The following SREBF2 variants were observed in gnomAD, a reference collection of about 807,000 sequenced individuals.
SREBF2 encodes sterol regulatory element-binding protein 2.
In SREBF2, 55 loss-of-function variants were observed where a neutral mutation model predicts 113.1. The observed-to-expected ratio is 0.49, with a 90% CI of 0.39 to 0.61. The LOEUF (loss-of-function observed/expected upper bound fraction) is 0.61. SREBF2 is among the 20% of genes least tolerant of loss of function. SREBF2 has a pLI of 0.00. For synonymous variants in SREBF2, 593 were observed against 605.7 expected, an observed-to-expected ratio of 0.98 and a Z score of 0.31; for missense variants, 1,349 against 1,487.4, an observed-to-expected ratio of 0.91 and a Z score of 1.53.
intron 11 of SREBF2, among the ~76,000 whole-genome samples, chr22:41,891,637 A>G (rs1356298550): frequency 6.6e-6 from 1 of 152,218 alleles, no homozygotes; most frequent in Non-Finnish European, 1.5e-5. Flanking sequence ...AGTAAAGGTC[A>G]GAACCATCAG....
intron 5 of SREBF2, 66 bp downstream of exon 5, chr22:41,874,085 A>G: frequency 5.2e-6 from 8 of 1,544,492 alleles, no homozygotes; most frequent in South Asian, 1.1e-5. Flanking sequence ...TTGCCTCAGG[A>G]GCCTAGAGAA....
chr22:41,905,509 C>A lies in SREBF2; in HGVS notation c.3275C>A (p.Pro1092His). The A allele has an allele frequency of 6.3e-7, 1 of 1,582,764 alleles. No homozygotes were observed. The highest frequency in any genetic ancestry group is 1.2e-5 in the South Asian group (1 of 86,552). Residue 1092 changes from proline (P) to histidine (H), a missense_variant, in exon 19 of 19, where the codon CCC becomes CAC. By Grantham distance (77) the Pro-to-His change is moderately conservative. Coordinates refer to ENST00000361204, the MANE Select transcript of SREBF2 (RefSeq NM_004599.4). ...TAILLACRHLPLSFLSSPGQR... is the reference protein window; with the variant it reads ...TAILLACRHLHLSFLSSPGQR... The stretch of plus-strand genomic sequence containing the variant: ...ATCCTGCTGGCCTGCCGCCACCTGC[C>A]CCTCTCCTTCCTCTCCTCCCCGGGC...
chr22:41,884,236 A>G (rs2148400830), intron 10 of SREBF2, among the ~76,000 whole-genome samples: 1 of 152,316 alleles, frequency 6.6e-6, no homozygotes, highest in Non-Finnish European at 1.5e-5. Flanking sequence ...CGCAGGCTCA[A>G]GCAATTCTTC....
chr22:41,889,052 C>A (rs2077328927), intron 11 of SREBF2, among the ~76,000 whole-genome samples: 1 of 152,154 alleles, frequency 6.6e-6, no homozygotes, highest in Non-Finnish European at 1.5e-5. Flanking sequence ...ACTCAAGATT[C>A]CCAAACATTC....
intron 12 of SREBF2, among the ~76,000 whole-genome samples, chr22:41,894,014 TAACTG>T (rs548341632): frequency 2.7e-4 from 41 of 152,298 alleles, no homozygotes; most frequent in African/African-American, 9.4e-4. Flanking sequence ...TTTTAAATAA[TAACTG>T]TATTGCTCAA....
intron 16 of SREBF2, among the ~76,000 whole-genome samples, chr22:41,901,754 C>T (rs2077467139): frequency 6.6e-6 from 1 of 152,192 alleles, no homozygotes; most frequent in African/African-American, 2.4e-5. Context: ...TTGGGCTTTC[C>T]ATTAGTCTCT....
chr22:41,848,978 C>A (rs1039611358), intron 1 of SREBF2, among the ~76,000 whole-genome samples: 1 of 151,946 alleles, frequency 6.6e-6, no homozygotes, highest in Non-Finnish European at 1.5e-5. Flanking sequence ...AATAAGGGAG[C>A]CACAGTGTTA....
intron 1 of SREBF2, among the ~76,000 whole-genome samples, chr22:41,841,996 C>T (rs901688538): frequency 1.3e-5 from 2 of 152,194 alleles, no homozygotes; most frequent in Non-Finnish European, 2.9e-5. Context: ...TGTTCATGGG[C>T]GTGTATCTTC....
chr22:41,900,005 G>A (rs996080667), intron 15 of SREBF2: 1 of 1,266,456 alleles, frequency 7.9e-7, no homozygotes, highest in African/African-American at 1.5e-5. Context: ...ACACCTTATT[G>A]TGGCCACTTT....
chr22:41,857,387 A>G (rs1162914198), intron 1 of SREBF2, among the ~76,000 whole-genome samples: 1 of 152,222 alleles, frequency 6.6e-6, no homozygotes, highest in African/African-American at 2.4e-5. Context: ...GAGTCCCTCC[A>G]GGGCTGCCAT....
chr22:41,905,346 T>C, intron 18 of SREBF2, 94 bp from the exon 19 acceptor site: 1 of 1,207,666 alleles, frequency 8.3e-7, no homozygotes, highest in Non-Finnish European at 1.2e-6. Flanking sequence ...CCAGGATGGA[T>C]GTGAGCGTTC....
intron 1 of SREBF2, among the ~76,000 whole-genome samples, chr22:41,839,618 G>T (rs1019343493): frequency 6.6e-6 from 1 of 152,186 alleles, no homozygotes; most frequent in African/African-American, 2.4e-5. Context: ...TTTTTTCAAT[G>T]AGCTGATCTA....
At chr22:41,848,396 T>G (rs2148349475) in intron 1 of SREBF2, among the ~76,000 whole-genome samples, 1 of 152,276 alleles carries the variant, frequency 6.6e-6, no homozygotes, top group East Asian at 1.9e-4. Flanking sequence ...CTTCAAAGTC[T>G]GTTTTTAATA....
intron 15 of SREBF2, chr22:41,899,350 C>T (rs978188745): frequency 1.1e-5 from 11 of 1,016,706 alleles, no homozygotes; most frequent in Non-Finnish European, 1.2e-5. Context: ...TTCATGTCTG[C>T]GTCTTGGGGG....
intron 3 of SREBF2, 136 bp downstream of exon 3, chr22:41,868,928 T>C: frequency 7.1e-6 from 8 of 1,122,890 alleles, no homozygotes; most frequent in Non-Finnish European, 1.0e-5. Context: ...AGGATGCACC[T>C]GTGAGCAGCG....
intron 1 of SREBF2, among the ~76,000 whole-genome samples, chr22:41,851,053 T>C (rs1008890136): frequency 3.9e-5 from 6 of 152,156 alleles, no homozygotes; most frequent in Non-Finnish European, 8.8e-5. Flanking sequence ...TTTCCTCACT[T>C]TTAAAACATA....
rs772169974 is a variant in SREBF2, at chr22:41,884,899, A to T, written c.2096A>T (p.Asn699Ile). 5 of 1,614,178 alleles carry T rather than the reference A, an allele frequency of 3.1e-6. No individual in the cohort carries two copies. Among genetic ancestry groups the T allele is most frequent in the East Asian group, 2.2e-5 (1 of 44,880 alleles). ...SDVHMALCAVNLAECAEEKIP... is the reference protein window; with the variant it reads ...SDVHMALCAVILAECAEEKIP... ...GTACACATGGCGTTGTGTGCCGTGA[A>T]CCTGGCTGAATGTGCAGAGGAGAAG... Residue 699 changes from asparagine to isoleucine, a missense_variant, in exon 11 of 19, where the codon AAC becomes ATC. Physicochemically the swap from Asn to Ile is moderately radical, Grantham distance 149. This residue lies in a region of SREBF2 where 650 missense variants were observed against 644.1 expected (regional missense o/e 1.01). Transcript: ENST00000361204.
intron 1 of SREBF2, among the ~76,000 whole-genome samples, chr22:41,839,968 T>G (rs1358423601): frequency 6.8e-6 from 1 of 147,386 alleles, no homozygotes; most frequent in African/African-American, 2.5e-5. Flanking sequence ...TTTTTTTTTT[T>G]TTTTTTTTTG....
chr22:41,848,908 A>G (rs1051404716), intron 1 of SREBF2, among the ~76,000 whole-genome samples: 1 of 152,136 alleles, frequency 6.6e-6, no homozygotes, highest in Non-Finnish European at 1.5e-5. Flanking sequence ...TGGCTACCTC[A>G]CAGGGTGATT....
Sources: allele counts gnomAD v4.1 joint callset (sites outside exome capture counted in the v4.1 genomes callset), GRCh38; gene constraint gnomAD v4.1.1; regional missense constraint gnomAD v4.1.1; transcripts MANE v1.5; gene names NCBI Gene and HGNC (gene_info 2026-07-23, HGNC 2026-07-21).